Variants in TBC1D21 observed in about 807,000 individuals in gnomAD.
TBC1D21 encodes TBC1 domain family member 21.
A neutral mutation model predicts 46.0 loss-of-function variants in TBC1D21; 38 were observed. That is an observed-to-expected ratio of 0.83 (90% confidence interval 0.64 to 1.08). TBC1D21 has a LOEUF of 1.08. Ranked by LOEUF, TBC1D21 falls within the 50% of genes least tolerant of loss-of-function variation. The probability of loss-of-function intolerance (pLI) is 0.00; values close to 1 mark genes in which losing one functional copy is unlikely to be tolerated. For missense variants in TBC1D21, 415 were observed against 417.9 expected (o/e 0.99, Z 0.06); for synonymous variants, 151 against 157.2 (o/e 0.96, Z 0.29).
At chr15:73,899,617 G>C in the TBC1D21 span, among the ~76,000 whole-genome samples, 1 of 152,152 alleles carries the variant, frequency 6.6e-6, no homozygotes, top group African/African-American at 2.4e-5. Context: ...GAGATGACAG[G>C]GAGCCCAGGC....
In TBC1D21 at chr15:73,881,663, G is replaced by C. The variant is rs994719705; in HGVS notation, c.188G>C (p.Arg63Thr). 4 of 1,613,788 alleles carry C rather than the reference G, an allele frequency of 2.5e-6. No homozygotes were observed. Among genetic ancestry groups the C allele is most frequent in the Middle Eastern group, 1.6e-4 (1 of 6,062 alleles). The change falls in exon 3 of 11, where the codon AGG becomes ACG. Residue 63 changes from arginine (R) to threonine (T), a missense_variant. Arg to Thr is a moderately conservative substitution (Grantham distance 71). Coordinates refer to ENST00000300504, the MANE Select transcript of TBC1D21 (RefSeq NM_153356.3). ...CCCCAGGGTCTGCACCCCTTCGTGA[G>C]GACTGAAGCCTGGAAATTCCTCACG... Reference protein sequence around the residue: ...ILERGLHPFVRTEAWKFLTGY... With the variant: ...ILERGLHPFVTTEAWKFLTGY...
At chr15:73,897,766 G>A in the TBC1D21 span, among the ~76,000 whole-genome samples, 2 of 152,220 alleles carry the variant, frequency 1.3e-5, no homozygotes, top group African/African-American at 2.4e-5. Context: ...GGGACAGGGA[G>A]AACTCTGTTG....
At chr15:73,901,042 C>A in the TBC1D21 span, among the ~76,000 whole-genome samples, 1 of 152,140 alleles carries the variant, frequency 6.6e-6, no homozygotes, top group African/African-American at 2.4e-5. Flanking sequence ...ATCAGGAAGT[C>A]CAGGATGTTA....
the TBC1D21 span, among the ~76,000 whole-genome samples, chr15:73,898,854 A>G: frequency 9.1e-6 from 1 of 109,750 alleles, no homozygotes; most frequent in Admixed American, 1.0e-4. Flanking sequence ...ACAGAGTGAG[A>G]CTCCATCTCA....
rs1181702352 is a variant in TBC1D21, at chr15:73,876,232, T to G, written c.60+2463T>G. Among the ~76,000 whole-genome samples the G allele has an allele frequency of 4.5e-4, 47 of 103,926 alleles. 1 individual carries two copies. Among genetic ancestry groups the G allele is most frequent in the African/African-American group, 2.0e-3 (39 of 19,380 alleles). 68.2% of individuals were successfully genotyped at this position (103,926 alleles called of 152,430 possible). ...TTTTTTTTTTTTTTTTTTTTTTTTT[T>G]TTTTTTTTTTTTTGAGACGGAGTCT... On this transcript the variant is annotated intron_variant, in intron 1 of 10. Transcript: ENST00000300504.
At chr15:73,875,123 C>T (rs1160393349) in intron 1 of TBC1D21, among the ~76,000 whole-genome samples, 2 of 151,878 alleles carry the variant, frequency 1.3e-5, no homozygotes. Context: ...GTAGTGAGTC[C>T]CTGTAATCCC....
the TBC1D21 span, among the ~76,000 whole-genome samples, chr15:73,895,666 A>AG: frequency 1.3e-5 from 2 of 152,216 alleles, no homozygotes; most frequent in Non-Finnish European, 2.9e-5. Flanking sequence ...AAACAAGGGC[A>AG]GCCCAGATTA....
the TBC1D21 span, among the ~76,000 whole-genome samples, chr15:73,905,412 G>A: frequency 6.6e-6 from 1 of 152,180 alleles, no homozygotes; most frequent in South Asian, 2.1e-4. Flanking sequence ...AGAAAGGGAT[G>A]TGCCGACTCA....
At chr15:73,877,514 TAA>T (rs541803630) in intron 1 of TBC1D21, among the ~76,000 whole-genome samples, 2 of 72,694 alleles carry the variant, frequency 2.8e-5, no homozygotes, top group African/African-American at 1.3e-4. Context: ...TCCAGAAAAC[TAA>T]AAAAAAAAAA....
the TBC1D21 span, among the ~76,000 whole-genome samples, chr15:73,902,885 G>GC: frequency 6.6e-6 from 1 of 152,144 alleles, no homozygotes; most frequent in Non-Finnish European, 1.5e-5. Flanking sequence ...CCCTGGGGAG[G>GC]CCCCCCTCTA....
downstream of TBC1D21, among the ~76,000 whole-genome samples, chr15:73,892,407 A>G (rs997225125): frequency 1.3e-5 from 2 of 152,198 alleles, no homozygotes; most frequent in Non-Finnish European, 2.9e-5. Flanking sequence ...GAGAAGAGCT[A>G]TAGCCTTTTG....
intron 6 of TBC1D21, 49 bp downstream of exon 6, chr15:73,885,152 A>G (rs1431832242): frequency 1.4e-5 from 21 of 1,501,920 alleles, no homozygotes; most frequent in Non-Finnish European, 1.9e-5. Flanking sequence ...ACCCCCCACT[A>G]CTCCCCAAAC....
At chr15:73,892,928 A>G (rs959352197), downstream of TBC1D21, among the ~76,000 whole-genome samples, 2 of 152,160 alleles carry the variant, frequency 1.3e-5, no homozygotes, top group Non-Finnish European at 2.9e-5. Context: ...GGTGGTAGTA[A>G]TGTCAGTGAT....
chr15:73,885,221 T>A (rs936958706), intron 6 of TBC1D21, 118 bp downstream of exon 6: 3 of 911,152 alleles, frequency 3.3e-6, no homozygotes, highest in African/African-American at 3.3e-5. Context: ...GGCTTCTGGG[T>A]CTCAGAGGAG....
intron 9 of TBC1D21, among the ~76,000 whole-genome samples, chr15:73,888,073 C>T (rs1195101579): frequency 6.6e-6 from 1 of 152,166 alleles, no homozygotes; most frequent in Non-Finnish European, 1.5e-5. Context: ...ATTGCTGAAA[C>T]AGAAGGACCT....
In TBC1D21 at chr15:73,884,856, T is replaced by A. The variant is rs200650520; in HGVS notation, c.443T>A (p.Ile148Asn). The change falls in exon 5 of 11, where the codon ATC becomes AAC. Residue 148 changes from isoleucine (I) to asparagine (N), a missense_variant. Ile to Asn is a moderately radical substitution (Grantham distance 149, BLOSUM62 -3). Transcript: ENST00000300504. ...VLIDKKRLEK[I>N]LLLSYVCNTQ... ...ATCGACAAGAAGAGGCTAGAGAAGATCCTGCTCCTGAGTTACGTCTGCAAC... is the reference window on the plus strand; with the variant it reads ...ATCGACAAGAAGAGGCTAGAGAAGAACCTGCTCCTGAGTTACGTCTGCAAC... 3.2e-4 allele frequency: 514 copies of A among 1,614,102 alleles called. No homozygotes were observed. Among genetic ancestry groups the A allele is most frequent in the Non-Finnish European group, 4.0e-4 (477 of 1,180,014 alleles).
downstream of TBC1D21, among the ~76,000 whole-genome samples, chr15:73,891,255 A>G (rs772569693): frequency 6.6e-6 from 1 of 152,240 alleles, no homozygotes; most frequent in Non-Finnish European, 1.5e-5. Context: ...AGTAGGGTCC[A>G]TTCTGGAGAT....
At chr15:73,907,428 T>C in the TBC1D21 span, among the ~76,000 whole-genome samples, 95 of 152,336 alleles carry the variant, frequency 6.2e-4, no homozygotes, top group African/African-American at 2.1e-3. Flanking sequence ...GACTTTGAAA[T>C]TGGAGAGACA....
intron 9 of TBC1D21, 148 bp downstream of exon 9, chr15:73,887,884 T>C: frequency 1.5e-6 from 1 of 655,092 alleles, no homozygotes; most frequent in East Asian, 2.7e-5. Flanking sequence ...AGATCTAAGG[T>C]ACGGATTACC....
Sources: gnomAD v4.1 joint callset for allele counts (sites outside exome capture counted in the v4.1 genomes callset) on GRCh38, gnomAD v4.1.1 for gene constraint, MANE v1.5 for transcripts, NCBI Gene and HGNC (gene_info 2026-07-23, HGNC 2026-07-21) for gene names.